Variants in NR5A2 observed in about 807,000 individuals in gnomAD.
The protein encoded by NR5A2 is nuclear receptor subfamily 5 group A member 2, also known as CYP7A promoter-binding factor.
In NR5A2, 26 loss-of-function variants were observed where a neutral mutation model predicts 62.7. The observed-to-expected ratio is 0.41, with a 90% confidence interval of 0.30 to 0.58. NR5A2 has a LOEUF of 0.58. NR5A2 is among the 20% of genes least tolerant of loss of function. The pLI, the probability that NR5A2 is intolerant of heterozygous loss-of-function variation, is 0.22. For synonymous variants in NR5A2, 246 were observed against 241.7 expected, an observed-to-expected ratio of 1.02 and a Z score of -0.16; for missense variants, 541 against 669.1, an observed-to-expected ratio of 0.81 and a Z score of 2.11.
intron 5 of NR5A2, among the ~76,000 whole-genome samples, chr1:200,105,200 T>A (rs1403515891): frequency 1.3e-5 from 2 of 152,134 alleles, no homozygotes; most frequent in African/African-American, 4.8e-5. Context: ...ATGCAAGTGA[T>A]CCTCCTATCT....
chr1:200,041,819 GGTCT>G (rs1280268655), intron 2 of NR5A2, among the ~76,000 whole-genome samples: 2 of 152,092 alleles, frequency 1.3e-5, no homozygotes, highest in Non-Finnish European at 2.9e-5. Flanking sequence ...CTCATGCCTC[GGTCT>G]TTCTTCGATG....
intron 6 of NR5A2, among the ~76,000 whole-genome samples, chr1:200,114,079 A>C (rs1319128762): frequency 6.6e-6 from 1 of 152,132 alleles, no homozygotes; most frequent in Non-Finnish European, 1.5e-5. Flanking sequence ...GCTACTTGAG[A>C]GGCTGAGGCA....
intron 5 of NR5A2, among the ~76,000 whole-genome samples, chr1:200,095,075 A>T (rs1204642007): frequency 6.6e-6 from 1 of 151,960 alleles, no homozygotes; most frequent in Non-Finnish European, 1.5e-5. Flanking sequence ...AATGAGGAAG[A>T]GGGTATAGTT....
At chr1:200,029,005 G>C in intron 1 of NR5A2, 1 of 433,400 alleles carries the variant, frequency 2.3e-6, no homozygotes, top group Non-Finnish European at 4.6e-6. Context: ...GGTAAGCAGG[G>C]TGTAACACAC....
chr1:200,068,599 C>T (rs10919806), intron 5 of NR5A2, among the ~76,000 whole-genome samples: 27,365 of 152,038 alleles, frequency 0.18, 2,588 homozygotes, highest in East Asian at 0.28. Context: ...ATTTAGGAAG[C>T]GCTCAGTGAA....
intron 2 of NR5A2, chr1:200,042,898 C>T (rs910709100): frequency 3.0e-6 from 3 of 985,368 alleles, no homozygotes; most frequent in East Asian, 1.1e-4. Flanking sequence ...TACCCGATCC[C>T]GGCAGTGAGC....
At chr1:200,133,663 C>T (rs1667090639) in intron 7 of NR5A2, among the ~76,000 whole-genome samples, 1 of 149,322 alleles carries the variant, frequency 6.7e-6, no homozygotes, top group Non-Finnish European at 1.5e-5. Flanking sequence ...TATATATGGT[C>T]ATATATATGA....
chr1:200,099,304 A>G (rs1665253951), intron 5 of NR5A2, among the ~76,000 whole-genome samples: 1 of 150,942 alleles, frequency 6.6e-6, no homozygotes, highest in Admixed American at 6.6e-5. Context: ...GGAAGCAGCC[A>G]GCCAAAAAGG....
Position 200,147,826 on chromosome 1 carries a change from C to T in NR5A2, c.1379-26137C>T, listed in dbSNP as rs2737628. 6 of 476,896 alleles carry T rather than the reference C, an allele frequency of 1.3e-5. No homozygotes were observed. Among genetic ancestry groups the T allele is most frequent in the African/African-American group, 1.2e-4 (6 of 49,842 alleles). 29.5% of individuals were successfully genotyped at this position (476,896 alleles called of 1,614,324 possible). On this transcript the variant is annotated intron_variant, in intron 7 of 7. Coordinates refer to ENST00000367362, the MANE Select transcript of NR5A2 (RefSeq NM_205860.3). The surrounding 1 kb of genome is among the most constrained non-coding windows in gnomAD (Gnocchi z 4.9). Reference sequence around the variant, plus strand: ...CGTGGCGTCCAGCACCAGGTCCTGGCTGCAGCCATTGGTGAGCAGTATGGC... The same window carrying T: ...CGTGGCGTCCAGCACCAGGTCCTGGTTGCAGCCATTGGTGAGCAGTATGGC...
intron 7 of NR5A2, among the ~76,000 whole-genome samples, chr1:200,167,987 C>G (rs1240382274): frequency 6.6e-6 from 1 of 152,136 alleles, no homozygotes; most frequent in Non-Finnish European, 1.5e-5. Context: ...TACACAGAGA[C>G]TGTGCCTTTT....
intron 5 of NR5A2, among the ~76,000 whole-genome samples, chr1:200,080,816 A>G (rs1664257668): frequency 6.6e-6 from 1 of 152,232 alleles, no homozygotes; most frequent in Non-Finnish European, 1.5e-5. Flanking sequence ...CTTGGATGAG[A>G]GGCAACAAAT....
At chr1:200,060,557 A>G (rs1663155582) in intron 5 of NR5A2, among the ~76,000 whole-genome samples, 2 of 152,198 alleles carry the variant, frequency 1.3e-5, no homozygotes, top group Non-Finnish European at 2.9e-5. Flanking sequence ...CACGAAGTCA[A>G]TGCAAAAGCA....
In NR5A2 at chr1:200,120,845, C is replaced by A. The variant is rs1455985851; in HGVS notation, c.1268C>A (p.Thr423Asn). The A allele has an allele frequency of 6.3e-7, 1 of 1,588,778 alleles. No homozygotes were observed. The highest frequency in any genetic ancestry group is 8.5e-7 in the Non-Finnish European group (1 of 1,170,110). The change falls in exon 7 of 8, where the codon ACC (threonine) becomes AAC (asparagine). Residue 423 changes from threonine (T) to asparagine (N), a missense_variant. Around this residue, in one of 3 missense-constraint regions of NR5A2, gnomAD observed 379 missense variants for 442.0 expected, o/e 0.86. Transcript: ENST00000367362. ...YSIIASQAGA[T>N]LNNLMSHAQE... is the part of the protein sequence containing the mutation. ...ATAATAGCATCACAAGCCGGAGCCA[C>A]CCTCAACAACCTCATGAGTCATGCA...
chr1:200,091,413 TG>T (rs1384397169), intron 5 of NR5A2, among the ~76,000 whole-genome samples: 1 of 151,872 alleles, frequency 6.6e-6, no homozygotes, highest in Non-Finnish European at 1.5e-5. Flanking sequence ...ACTGATCTGC[TG>T]GCCACTGGTG....
chr1:200,043,637 C>A, intron 2 of NR5A2, 137 bp from the exon 3 acceptor site: 2 of 547,562 alleles, frequency 3.7e-6, no homozygotes, highest in East Asian at 3.0e-5. Context: ...TCAGTAAGAC[C>A]TTGCTAAAAA....
chr1:200,028,208 T>A (rs1180770969), intron 1 of NR5A2, among the ~76,000 whole-genome samples: 1 of 152,124 alleles, frequency 6.6e-6, no homozygotes, highest in Non-Finnish European at 1.5e-5. Flanking sequence ...AACTTTAATA[T>A]TTTCTGATAA....
intron 5 of NR5A2, among the ~76,000 whole-genome samples, chr1:200,088,384 A>T (rs187601082): frequency 6.6e-6 from 1 of 151,968 alleles, no homozygotes; most frequent in Non-Finnish European, 1.5e-5. Flanking sequence ...CCGCCTCCTG[A>T]GTAGCTGGGA....
chr1:200,149,939 C>T (rs1462398437), intron 7 of NR5A2, among the ~76,000 whole-genome samples: 1 of 152,158 alleles, frequency 6.6e-6, no homozygotes, highest in African/African-American at 2.4e-5. Context: ...TAGTTACCTC[C>T]ATGCAGTAAT....
chr1:200,138,354 T>G (rs887684474), intron 7 of NR5A2, among the ~76,000 whole-genome samples: 1 of 152,228 alleles, frequency 6.6e-6, no homozygotes, highest in African/African-American at 2.4e-5. Flanking sequence ...ATACAGATGC[T>G]GTCATTATTC....
Sources: allele counts gnomAD v4.1 joint callset (sites outside exome capture counted in the v4.1 genomes callset), GRCh38; gene constraint gnomAD v4.1.1; regional missense constraint gnomAD v4.1.1; non-coding constraint Gnocchi (gnomAD v3.1); transcripts MANE v1.5; gene names NCBI Gene and HGNC (gene_info 2026-07-23, HGNC 2026-07-21).